The following RBFOX3 variants were observed in gnomAD, a reference collection of about 807,000 sequenced individuals.
RBFOX3 encodes the protein RNA binding protein fox-1 homolog 3.
In RBFOX3, 17 loss-of-function variants were observed where a neutral mutation model predicts 48.7. The ratio of observed to expected loss-of-function variants is 0.35; its 90% confidence interval spans 0.24 to 0.52. The LOEUF is 0.52. RBFOX3 is among the 20% of genes least tolerant of loss of function. The pLI, the probability that RBFOX3 is intolerant of heterozygous loss-of-function variation, is 0.94. For missense variants in RBFOX3, 382 were observed against 497.5 expected (o/e 0.77, Z 2.21); for synonymous variants, 212 against 209.5 (o/e 1.01, Z -0.10).
At chr17:79,255,491 G>A (rs1377237234) in intron 3 of RBFOX3, among the ~76,000 whole-genome samples, 2 of 152,112 alleles carry the variant, frequency 1.3e-5, no homozygotes, top group Non-Finnish European at 2.9e-5. Context: ...ACAAGGCTGT[G>A]CTTAGGAACA....
chr17:79,500,843 A>G (rs1478104110), intron 1 of RBFOX3, among the ~76,000 whole-genome samples: 1 of 152,216 alleles, frequency 6.6e-6, no homozygotes, highest in African/African-American at 2.4e-5. Flanking sequence ...CAGGTGGGCC[A>G]GGCTTGGAGA....
Position 79,356,348 on chromosome 17 carries a change from G to GGTTTTTTTTTTT in RBFOX3, c.-174-48525_-174-48524insAAAAAAAAAAAC, listed in dbSNP as rs2084999414. On this transcript the variant is annotated intron_variant, in intron 2 of 14. Coordinates refer to ENST00000693108, the MANE Select transcript of RBFOX3 (RefSeq NM_001350451.2). ...ACTTTTTCACTTTTAAAACAGGGAAGTTTTTTTTTTTTTTTTTTTTTTTTT... is the reference window on the plus strand; with the variant it reads ...ACTTTTTCACTTTTAAAACAGGGAAGGTTTTTTTTTTTTTTTTTTTTTTTTTTTTTTTTTTTT... 3.8e-4 allele frequency among the ~76,000 whole-genome samples: 18 copies of GGTTTTTTTTTTT among 47,264 alleles called. 2 individuals are homozygous for GGTTTTTTTTTTT. The highest frequency in any genetic ancestry group is 6.5e-4 in the Non-Finnish European group (16 of 24,428). 31.0% of individuals were successfully genotyped at this position (47,264 alleles called of 152,430 possible). A position where few individuals can be genotyped will look rare whatever the true frequency, so the allele number is the denominator to read the frequency against.
chr17:79,438,073 T>C (rs1598693453), intron 2 of RBFOX3, among the ~76,000 whole-genome samples: 3 of 147,832 alleles, frequency 2.0e-5, no homozygotes, highest in South Asian at 2.2e-4. Context: ...CAAGCACACA[T>C]GTATACATGC....
intron 4 of RBFOX3, among the ~76,000 whole-genome samples, chr17:79,185,847 T>C (rs375163005): frequency 8.5e-5 from 13 of 152,246 alleles, no homozygotes; most frequent in African/African-American, 3.1e-4. Context: ...ATGCAGACAG[T>C]GTGCTCGGTG....
At chr17:79,406,493 ATTGCCTGGCTG>A (rs1199884113) in intron 2 of RBFOX3, among the ~76,000 whole-genome samples, 4 of 152,114 alleles carry the variant, frequency 2.6e-5, no homozygotes, top group Admixed American at 6.5e-5. Flanking sequence ...AGGCCTCTCC[ATTGCCTGGCTG>A]TTGTTTCTCC....
At chr17:79,577,011 C>T (rs2092885292) in intron 1 of RBFOX3, among the ~76,000 whole-genome samples, 1 of 151,980 alleles carries the variant, frequency 6.6e-6, no homozygotes, top group Non-Finnish European at 1.5e-5. Context: ...AAAGACCTGA[C>T]TAGGATGGAG....
At chr17:79,290,640 TGAGGTCAGGCCC>T (rs1035358308) in intron 3 of RBFOX3, among the ~76,000 whole-genome samples, 3 of 152,290 alleles carry the variant, frequency 2.0e-5, no homozygotes, top group African/African-American at 7.2e-5. Flanking sequence ...AAGGGCCTTC[TGAGGTCAGGCCC>T]GAGGGAAATA....
At chr17:79,433,621 C>T (rs1555729560) in intron 2 of RBFOX3, among the ~76,000 whole-genome samples, 2 of 152,198 alleles carry the variant, frequency 1.3e-5, no homozygotes, top group African/African-American at 2.4e-5. Flanking sequence ...GCCGATTCCA[C>T]GTGAGCAGGA....
intron 2 of RBFOX3, among the ~76,000 whole-genome samples, chr17:79,312,458 A>G (rs1230490317): frequency 6.6e-6 from 1 of 152,078 alleles, no homozygotes; most frequent in Non-Finnish European, 1.5e-5. Flanking sequence ...CACCAGATGC[A>G]CTGTGAGGGC....
In RBFOX3 at chr17:79,254,367, C is replaced by A. The variant is rs1032485962; in HGVS notation, c.-73-18562G>T. Among the ~76,000 whole-genome samples, 17 of 152,226 alleles carry A rather than the reference C, an allele frequency of 1.1e-4. No homozygotes were observed. The highest frequency in any genetic ancestry group is 3.1e-4 in the African/African-American group (13 of 41,530). On this transcript the variant is annotated intron_variant, in intron 3 of 14. Coordinates refer to ENST00000693108, the MANE Select transcript of RBFOX3 (RefSeq NM_001350451.2). The surrounding 1 kb of genome is among the most constrained non-coding windows in gnomAD (Gnocchi z 4.8). ...AGGTGAGGAACCTTACTCCTGAGAC[C>A]CTCAGCCCTAGCTCCACATACCCCC... is the stretch of plus-strand genomic sequence containing the variant.
At chr17:79,376,757 C>T (rs183728105) in intron 2 of RBFOX3, among the ~76,000 whole-genome samples, 1 of 152,126 alleles carries the variant, frequency 6.6e-6, no homozygotes, top group East Asian at 1.9e-4. Flanking sequence ...TGGGGAGGCT[C>T]GCAGGGGGAT....
At chr17:79,294,732 T>A (rs942472737) in intron 3 of RBFOX3, among the ~76,000 whole-genome samples, 4 of 152,172 alleles carry the variant, frequency 2.6e-5, no homozygotes, top group African/African-American at 9.6e-5. Context: ...GGGGGCCACG[T>A]GGAGGAGGCC....
At position 79,220,067 on chromosome 17, in the gene RBFOX3, G is replaced by T. The variant is rs2059537309; in HGVS notation, c.-34+15699C>A. ...TGGGCCCTGGGGGAAGGGTGGCATGGCCTGGGAAGGCACGGGGTGGGGGGG... is the reference window on the plus strand; with the variant it reads ...TGGGCCCTGGGGGAAGGGTGGCATGTCCTGGGAAGGCACGGGGTGGGGGGG... On this transcript the variant is annotated intron_variant, in intron 4 of 14. Coordinates refer to ENST00000693108, the MANE Select transcript of RBFOX3 (RefSeq NM_001350451.2). This position sits in a 1 kb window ranked among gnomAD's most constrained non-coding sequence, Gnocchi z 5.9. Among the ~76,000 whole-genome samples, 1 of 145,986 alleles carries T rather than the reference G, an allele frequency of 6.8e-6. No homozygotes were observed. Among genetic ancestry groups the T allele is most frequent in the South Asian group, 2.2e-4 (1 of 4,472 alleles).
At chr17:79,166,066 T>C (rs2047934546) in intron 4 of RBFOX3, among the ~76,000 whole-genome samples, 1 of 152,188 alleles carries the variant, frequency 6.6e-6, no homozygotes, top group Non-Finnish European at 1.5e-5. Flanking sequence ...CACAGATCTG[T>C]ACCCGGCGTG....
At chr17:79,431,258 A>T (rs2068391975) in intron 2 of RBFOX3, among the ~76,000 whole-genome samples, 1 of 152,198 alleles carries the variant, frequency 6.6e-6, no homozygotes, top group Non-Finnish European at 1.5e-5. Flanking sequence ...GACTTTACAA[A>T]TACTGAACCA....
chr17:79,329,854 G>T (rs1354099684), intron 2 of RBFOX3, among the ~76,000 whole-genome samples: 1 of 152,252 alleles, frequency 6.6e-6, no homozygotes, highest in Middle Eastern at 3.4e-3. Context: ...TTAGCCTGGT[G>T]TCACCAAGGG....
rs973717196 is a variant in RBFOX3 at position 79,361,863 on chromosome 17, G to A, written c.-174-54039C>T. Among the ~76,000 whole-genome samples, 2 of 152,212 alleles carry A rather than the reference G, an allele frequency of 1.3e-5. No homozygotes were observed. The highest frequency in any genetic ancestry group is 4.8e-5 in the African/African-American group (2 of 41,448). Reference sequence around the variant, plus strand: ...ATTTTTATATGGCTCACAAGGCATAGGCAGATTTCTCTGTTTCTTTATTTG... The same window carrying A: ...ATTTTTATATGGCTCACAAGGCATAAGCAGATTTCTCTGTTTCTTTATTTG... On this transcript the variant is annotated intron_variant, in intron 2 of 14. Transcript: ENST00000693108. The surrounding 1 kb of genome is among the most constrained non-coding windows in gnomAD (Gnocchi z 4.5).
At chr17:79,215,578 A>G (rs1282468386) in intron 4 of RBFOX3, among the ~76,000 whole-genome samples, 1 of 152,228 alleles carries the variant, frequency 6.6e-6, no homozygotes, top group Non-Finnish European at 1.5e-5. Context: ...GCTCACAGTC[A>G]GCTGGTGCCC....
intron 3 of RBFOX3, among the ~76,000 whole-genome samples, chr17:79,268,093 C>T (rs2067024340): frequency 6.6e-6 from 1 of 152,168 alleles, no homozygotes; most frequent in Non-Finnish European, 1.5e-5. Context: ...GTTGTCTCTC[C>T]CATCTCCTGG....
Sources: allele counts gnomAD v4.1 joint callset (sites outside exome capture counted in the v4.1 genomes callset), GRCh38; gene constraint gnomAD v4.1.1; non-coding constraint Gnocchi (gnomAD v3.1); transcripts MANE v1.5; gene names NCBI Gene and HGNC (gene_info 2026-07-23, HGNC 2026-07-21).